The following MTHFS variants were observed in gnomAD, a reference collection of about 807,000 sequenced individuals.
MTHFS encodes the protein 5-formyltetrahydrofolate cyclo-ligase.
MTHFS carries 7 observed loss-of-function variants against 12.7 expected under a neutral mutation model. That is an observed-to-expected ratio of 0.55 (90% CI 0.31 to 1.03). The LOEUF (loss-of-function observed/expected upper bound fraction) is 1.03, where lower values mean the gene tolerates loss of function less well. Ranked by LOEUF, MTHFS falls within the 50% of genes least tolerant of loss-of-function variation. The pLI is 0.05. For missense variants in MTHFS, 252 were observed against 258.1 expected (o/e 0.98, Z 0.16); for synonymous variants, 100 against 97.1 (o/e 1.03, Z -0.18).
chr15:79,874,976 C>T lies in MTHFS; in HGVS notation c.379+14117G>A, dbSNP rs149084572. ...GAACAATTTGTGCAGTTAACGCAAT[C>T]ATCACAGGGTCCTGAGGCGACACAC... is the stretch of plus-strand genomic sequence containing the variant. On this transcript the variant is annotated intron_variant, in intron 2 of 2. Coordinates refer to ENST00000258874, the MANE Select transcript of MTHFS (RefSeq NM_006441.4). Among the ~76,000 whole-genome samples the T allele has an allele frequency of 9.4e-3, 1,423 of 152,106 alleles. 16 individuals are homozygous for T. The highest frequency in any genetic ancestry group is 0.017 in the Non-Finnish European group (1,131 of 68,010).
At chr15:79,870,315 C>G (rs115966851) in intron 2 of MTHFS, among the ~76,000 whole-genome samples, 1 of 152,086 alleles carries the variant, frequency 6.6e-6, no homozygotes, top group South Asian at 2.1e-4. Flanking sequence ...GTTTTGGTAC[C>G]GTCTATGGTT....
chr15:79,861,885 A>G (rs1046008779), intron 2 of MTHFS, among the ~76,000 whole-genome samples: 12 of 152,346 alleles, frequency 7.9e-5, no homozygotes, highest in African/African-American at 2.9e-4. Context: ...GGATACAAAT[A>G]TATATATCTA....
At chr15:79,893,976 G>C (rs774566524) in intron 1 of MTHFS, among the ~76,000 whole-genome samples, 6 of 152,164 alleles carry the variant, frequency 3.9e-5, no homozygotes, top group Admixed American at 1.3e-4. Context: ...CACCTTTATT[G>C]AGCATTCACT....
At chr15:79,889,689 C>T (rs80001693) in intron 1 of MTHFS, among the ~76,000 whole-genome samples, 4 of 152,200 alleles carry the variant, frequency 2.6e-5, no homozygotes, top group Non-Finnish European at 5.9e-5. Context: ...TAGTAGTCTT[C>T]GGTCATTTCA....
At chr15:79,845,894 T>C (rs2030777712) in intron 2 of MTHFS, among the ~76,000 whole-genome samples, 1 of 152,166 alleles carries the variant, frequency 6.6e-6, no homozygotes, top group South Asian at 2.1e-4. Context: ...GAGAGTCCAC[T>C]GTCAGGCATA....
intron 2 of MTHFS, among the ~76,000 whole-genome samples, chr15:79,870,364 AG>A (rs1457456648): frequency 6.6e-6 from 1 of 152,244 alleles, no homozygotes. Context: ...CTGCTGTCAA[AG>A]ATTCCATGGC....
intron 2 of MTHFS, among the ~76,000 whole-genome samples, chr15:79,884,713 T>C (rs1249854340): frequency 1.3e-5 from 2 of 151,896 alleles, no homozygotes; most frequent in Non-Finnish European, 2.9e-5. Context: ...CAAAAAAGAA[T>C]GATAAGAATG....
rs2033559521 is a variant in MTHFS at position 79,843,697 on chromosome 15, T to C, written c.*1513A>G. 6.6e-6 allele frequency: 1 copy of C among 152,264 alleles called. No homozygotes were observed. Among genetic ancestry groups the C allele is most frequent in the South Asian group, 2.1e-4 (1 of 4,836 alleles). The allele number at this position is 152,264 out of a possible 1,614,324, so 9.4% of individuals were successfully genotyped here. ...CTCTCTCACACACACACTATATGTC[T>C]AGTTGTGTACTAAGCATAAGAAGTA... is the stretch of plus-strand genomic sequence containing the variant. On this transcript the variant is annotated 3_prime_UTR_variant, in exon 3 of 3. Transcript: ENST00000258874.
intron 2 of MTHFS, among the ~76,000 whole-genome samples, chr15:79,846,418 G>C (rs187250688): frequency 5.3e-4 from 80 of 152,302 alleles, no homozygotes; most frequent in African/African-American, 1.9e-3. Flanking sequence ...CATTCATATA[G>C]CATTTGCTGG....
chr15:79,886,389 AAAC>A (rs568310727), intron 2 of MTHFS, among the ~76,000 whole-genome samples: 9 of 152,218 alleles, frequency 5.9e-5, no homozygotes, highest in African/African-American at 1.4e-4. Context: ...ACATTTCTAT[AAAC>A]AACAACAGCG....
intron 2 of MTHFS, among the ~76,000 whole-genome samples, chr15:79,868,702 C>A (rs1285210776): frequency 6.6e-6 from 1 of 152,230 alleles, no homozygotes; most frequent in Non-Finnish European, 1.5e-5. Context: ...ACATTTCCTG[C>A]ACAAGGACTA....
intron 1 of MTHFS, among the ~76,000 whole-genome samples, chr15:79,894,200 G>A (rs2034525604): frequency 6.6e-6 from 1 of 152,140 alleles, no homozygotes; most frequent in Non-Finnish European, 1.5e-5. Flanking sequence ...GGCCAACATG[G>A]TGAAACCCCG....
intron 2 of MTHFS, among the ~76,000 whole-genome samples, chr15:79,850,856 A>G (rs35822183): frequency 0.058 from 8,869 of 152,286 alleles, 364 homozygotes; most frequent in Non-Finnish European, 0.089. Context: ...CTACTTCCTG[A>G]GACAGAAGTA....
chr15:79,893,162 T>C (rs1295369324), intron 1 of MTHFS, among the ~76,000 whole-genome samples: 2 of 152,120 alleles, frequency 1.3e-5, no homozygotes, highest in Admixed American at 1.3e-4. Context: ...CCCAGCACTT[T>C]GGCAGGCCGA....
chr15:79,845,786 GA>G (rs1368204301), intron 2 of MTHFS, among the ~76,000 whole-genome samples: 1 of 152,086 alleles, frequency 6.6e-6, no homozygotes, highest in East Asian at 1.9e-4. Context: ...GTCAGGTTTG[GA>G]AATCAATACC....
At chr15:79,881,851 C>T (rs949074479) in intron 2 of MTHFS, among the ~76,000 whole-genome samples, 1 of 152,240 alleles carries the variant, frequency 6.6e-6, no homozygotes, top group African/African-American at 2.4e-5. Flanking sequence ...TTATCATTAA[C>T]TGCCTGTGTG....
intron 2 of MTHFS, among the ~76,000 whole-genome samples, chr15:79,872,103 C>CAAAAAAA (rs58835744): frequency 4.5e-5 from 3 of 66,776 alleles, no homozygotes; most frequent in African/African-American, 1.2e-4. Context: ...GACTCCGTCT[C>CAAAAAAA]AAAAAAAAAA....
intron 2 of MTHFS, among the ~76,000 whole-genome samples, chr15:79,857,012 T>C (rs1465990479): frequency 6.6e-6 from 1 of 151,704 alleles, no homozygotes; most frequent in African/African-American, 2.4e-5. Flanking sequence ...TTTTTTTTTT[T>C]GAGACAGAGT....
chr15:79,877,325 G>A (rs2034215965), intron 2 of MTHFS: 1 of 152,006 alleles, frequency 6.6e-6, no homozygotes, highest in Admixed American at 6.6e-5. Context: ...AAAAATAATG[G>A]CTGAGAACCT....
Sources: gnomAD v4.1 joint callset for allele counts (sites outside exome capture counted in the v4.1 genomes callset) on GRCh38, gnomAD v4.1.1 for gene constraint, MANE v1.5 for transcripts, NCBI Gene and HGNC (gene_info 2026-07-23, HGNC 2026-07-21) for gene names.